Variants in AGPS observed in about 807,000 individuals in gnomAD.
AGPS encodes alkylglycerone phosphate synthase.
A neutral mutation model predicts 90.7 loss-of-function variants in AGPS; 26 were observed. The ratio of observed to expected loss-of-function variants is 0.29; its 90% CI spans 0.21 to 0.40. AGPS has a LOEUF of 0.40. AGPS is among the 10% of genes least tolerant of loss of function. The pLI is 1.00. For missense variants in AGPS, 540 were observed against 816.1 expected (o/e 0.66, Z 4.12); for synonymous variants, 294 against 285.3 (o/e 1.03, Z -0.31).
At chr2:177,418,150 G>T (rs1378132717) in intron 1 of AGPS, among the ~76,000 whole-genome samples, 2 of 151,994 alleles carry the variant, frequency 1.3e-5, no homozygotes, top group Non-Finnish European at 2.9e-5. Context: ...TTTTATGACT[G>T]GGATGAAAAG....
chr2:177,504,246 A>G (rs1168276983), intron 14 of AGPS, among the ~76,000 whole-genome samples: 1 of 152,042 alleles, frequency 6.6e-6, no homozygotes, highest in East Asian at 1.9e-4. Context: ...TACTTGAGCT[A>G]TGGGCTAAGC....
Position 177,470,466 on chromosome 2 carries a change from G to T in AGPS, c.1105+1942G>T, listed in dbSNP as rs920055805. Among the ~76,000 whole-genome samples, 6 of 152,196 alleles carry T rather than the reference G, an allele frequency of 3.9e-5. No individual in the cohort carries two copies. The South Asian group carries it at 1.2e-3, about 32-fold the overall frequency. ...CACCTGTAATCCCAGCACTTTGCAA[G>T]GCTGAGGCGGGTGGATCACTTGAGG... is the stretch of plus-strand genomic sequence containing the variant. On this transcript the variant is annotated intron_variant, in intron 10 of 19. Coordinates refer to ENST00000264167, the MANE Select transcript of AGPS (RefSeq NM_003659.4).
intron 1 of AGPS, among the ~76,000 whole-genome samples, chr2:177,413,118 G>A (rs1288178941): frequency 6.6e-5 from 10 of 152,258 alleles, no homozygotes; most frequent in Non-Finnish European, 8.8e-5. Context: ...GAGTGAAAAC[G>A]GAGCTCCCAT....
At chr2:177,436,925 A>T (rs763611185) in intron 4 of AGPS, 41 bp downstream of exon 4, 52 of 1,610,902 alleles carry the variant, frequency 3.2e-5, no homozygotes, top group South Asian at 2.3e-4. Context: ...TTTAACAAAA[A>T]AATTCTATAT....
intron 1 of AGPS, among the ~76,000 whole-genome samples, chr2:177,416,318 T>C (rs1032633409): frequency 9.9e-5 from 15 of 152,206 alleles, no homozygotes; most frequent in African/African-American, 3.6e-4. Context: ...ATGCTGAATA[T>C]GTACATCATG....
chr2:177,536,750 C>T (rs2079188192), intron 19 of AGPS, among the ~76,000 whole-genome samples: 1 of 151,938 alleles, frequency 6.6e-6, no homozygotes, highest in South Asian at 2.1e-4. Flanking sequence ...CCAGCAATAC[C>T]TTTTTATTTC....
At chr2:177,413,004 G>A (rs1298492749) in intron 1 of AGPS, among the ~76,000 whole-genome samples, 1 of 152,158 alleles carries the variant, frequency 6.6e-6, no homozygotes, top group African/African-American at 2.4e-5. Flanking sequence ...CATCAGCGGC[G>A]GGTCTGCGAT....
chr2:177,393,660 C>A, intron 1 of AGPS: 1 of 756,178 alleles, frequency 1.3e-6, no homozygotes, highest in Non-Finnish European at 1.6e-6. Flanking sequence ...AGCTACTGAG[C>A]TCTGTGTAAC....
At chr2:177,393,419 C>T (rs1381832725) in intron 1 of AGPS, 2 of 985,152 alleles carry the variant, frequency 2.0e-6, no homozygotes, top group African/African-American at 3.5e-5. Context: ...TATTTTTCTC[C>T]GAGGAGATAT....
At chr2:177,502,407 ATTTTTT>A (rs71007998) in intron 14 of AGPS, among the ~76,000 whole-genome samples, 32 of 109,288 alleles carry the variant, frequency 2.9e-4, no homozygotes, top group East Asian at 9.8e-4. Flanking sequence ...AGCCATTTCG[ATTTTTT>A]TTTTTTTTTT....
In AGPS at chr2:177,493,868, CT is replaced by C. The variant is rs1305156397; in HGVS notation, c.1285+672del. 5.9e-5 allele frequency among the ~76,000 whole-genome samples: 9 copies of C among 152,244 alleles called. No individual in the cohort carries two copies. In the East Asian group the frequency reaches 1.7e-3, roughly 29 times the overall value. On this transcript the variant is annotated intron_variant, in intron 12 of 19. Coordinates refer to ENST00000264167, the MANE Select transcript of AGPS (RefSeq NM_003659.4). ...CAGCTCAAGAAGCAAAGTTTGAGGG[CT>C]TTGAGCATGGCAGCAGCAATGGAGA...
chr2:177,418,798 A>C (rs1046724030), intron 1 of AGPS, among the ~76,000 whole-genome samples: 1 of 146,398 alleles, frequency 6.8e-6, no homozygotes, highest in African/African-American at 2.5e-5. Flanking sequence ...TTTGGCACCA[A>C]AAAAAAAAAA....
intron 1 of AGPS, among the ~76,000 whole-genome samples, chr2:177,412,136 G>A (rs1210045212): frequency 4.6e-5 from 7 of 152,148 alleles, no homozygotes; most frequent in African/African-American, 1.7e-4. Flanking sequence ...GCTCCAATAC[G>A]TGGGAAAGGA....
At chr2:177,483,844 G>A (rs1287238766) in intron 11 of AGPS, among the ~76,000 whole-genome samples, 2 of 152,134 alleles carry the variant, frequency 1.3e-5, no homozygotes, top group Non-Finnish European at 2.9e-5. Context: ...ACTGAGTGGT[G>A]ACATTCCAGT....
intron 1 of AGPS, among the ~76,000 whole-genome samples, chr2:177,412,543 G>A (rs1042237139): frequency 5.3e-5 from 8 of 152,070 alleles, no homozygotes; most frequent in Non-Finnish European, 1.0e-4. Flanking sequence ...TTTTTTAACT[G>A]GCCGACAAGC....
intron 2 of AGPS, among the ~76,000 whole-genome samples, chr2:177,426,489 T>A (rs1233464541): frequency 6.6e-6 from 1 of 152,246 alleles, no homozygotes; most frequent in Non-Finnish European, 1.5e-5. Flanking sequence ...GGAGAATGCT[T>A]CCAGCTTTTG....
chr2:177,491,196 C>A (rs1019041357), intron 11 of AGPS, among the ~76,000 whole-genome samples: 7 of 151,790 alleles, frequency 4.6e-5, no homozygotes, highest in Non-Finnish European at 1.0e-4. Context: ...TACATCAGCA[C>A]CGTCTCCTAA....
At chr2:177,412,073 A>G (rs1002859043) in intron 1 of AGPS, among the ~76,000 whole-genome samples, 1 of 152,150 alleles carries the variant, frequency 6.6e-6, no homozygotes, top group African/African-American at 2.4e-5. Context: ...GATAGCCTAG[A>G]TGCCTAAGGA....
Position 177,541,622 on chromosome 2 carries a change from T to A in AGPS, c.*3427T>A, listed in dbSNP as rs1032724933. 6.6e-6 allele frequency: 1 copy of A among 152,204 alleles called. No individual in the cohort carries two copies. Among genetic ancestry groups the A allele is most frequent in the Non-Finnish European group, 1.5e-5 (1 of 68,020 alleles). The allele number at this position is 152,204 out of a possible 1,614,324, so 9.4% of individuals were successfully genotyped here. On this transcript the variant is annotated 3_prime_UTR_variant, in exon 20 of 20. Coordinates refer to ENST00000264167, the MANE Select transcript of AGPS (RefSeq NM_003659.4). ...TGTTTACCACTTAATCTTTATCAAC[T>A]TTGATTTTAGTTAGGGCTTAGCTCA...
Sources: allele counts gnomAD v4.1 joint callset (sites outside exome capture counted in the v4.1 genomes callset), GRCh38; gene constraint gnomAD v4.1.1; transcripts MANE v1.5; gene names NCBI Gene and HGNC (gene_info 2026-07-23, HGNC 2026-07-21).